Variants in AATF observed in about 807,000 individuals in gnomAD.
The protein encoded by AATF is apoptosis antagonizing transcription factor, also known as protein AATF.
A neutral mutation model predicts 63.7 loss-of-function variants in AATF; 48 were observed. The observed-to-expected ratio is 0.75, with a 90% CI of 0.60 to 0.96. The LOEUF (loss-of-function observed/expected upper bound fraction) is 0.96, where lower values mean the gene tolerates loss of function less well. AATF is among the 40% of genes least tolerant of loss of function. The pLI is 0.00. For missense variants in AATF, 639 were observed against 685.7 expected, an observed-to-expected ratio of 0.93 and a Z score of 0.76; for synonymous variants, 258 against 247.7, an observed-to-expected ratio of 1.04 and a Z score of -0.39.
At chr17:36,974,155 A>AT (rs2071062158) in intron 4 of AATF, among the ~76,000 whole-genome samples, 1 of 151,968 alleles carries the variant, frequency 6.6e-6, no homozygotes, top group Non-Finnish European at 1.5e-5. Context: ...AGAGTTAAGT[A>AT]TTTTTAATAT....
At chr17:36,979,596 A>T (rs988129524) in intron 4 of AATF, among the ~76,000 whole-genome samples, 1 of 152,138 alleles carries the variant, frequency 6.6e-6, no homozygotes, top group Non-Finnish European at 1.5e-5. Context: ...GGTAATATGA[A>T]TGGGGGAGTT....
chr17:37,056,577 C>T, intron 11 of AATF, 24 bp from the exon 12 acceptor site: 1 of 1,613,434 alleles, frequency 6.2e-7, no homozygotes, highest in Non-Finnish European at 8.5e-7. Flanking sequence ...GTGTGTTAAC[C>T]AGTTTGCTGT....
At position 36,986,741 on chromosome 17, in the gene AATF, C is replaced by G. The variant is rs762510959; in HGVS notation, c.947+10C>G. The G allele has an allele frequency of 3.3e-5, 53 of 1,599,558 alleles. No homozygotes were observed. The highest frequency in any genetic ancestry group is 4.4e-5 in the Non-Finnish European group (51 of 1,167,106). On this transcript the variant is annotated intron_variant, in intron 5 of 11. Coordinates refer to ENST00000619387, the MANE Select transcript of AATF (RefSeq NM_012138.4). ...AGCCCAATGCGGGAAGGTAAGAGAACAGAATCATGGAGTTGCTTATTTTCT... is the reference window on the plus strand; with the variant it reads ...AGCCCAATGCGGGAAGGTAAGAGAAGAGAATCATGGAGTTGCTTATTTTCT...
At chr17:37,050,830 A>G (rs1367228671) in intron 11 of AATF, among the ~76,000 whole-genome samples, 1 of 152,264 alleles carries the variant, frequency 6.6e-6, no homozygotes, top group Non-Finnish European at 1.5e-5. Flanking sequence ...AGGAAGGGCC[A>G]TGACATTCTG....
intron 4 of AATF, among the ~76,000 whole-genome samples, chr17:36,967,745 T>G (rs1034510229): frequency 2.0e-5 from 3 of 152,206 alleles, no homozygotes; most frequent in African/African-American, 7.2e-5. Flanking sequence ...AAAATACCTT[T>G]ATTCTATCAT....
chr17:36,969,269 A>G (rs1420035347), intron 4 of AATF, among the ~76,000 whole-genome samples: 3 of 152,178 alleles, frequency 2.0e-5, no homozygotes, highest in African/African-American at 7.2e-5. Flanking sequence ...GGTGGCCAAC[A>G]TTCTAGGAGG....
At chr17:36,991,909 G>A (rs2071218250) in intron 8 of AATF, among the ~76,000 whole-genome samples, 1 of 152,172 alleles carries the variant, frequency 6.6e-6, no homozygotes, top group Admixed American at 6.5e-5. Flanking sequence ...TCTTAATAGA[G>A]TGTGTGTTTG....
intron 10 of AATF, among the ~76,000 whole-genome samples, chr17:37,022,256 G>A (rs1432986428): frequency 1.3e-5 from 2 of 152,072 alleles, no homozygotes; most frequent in Admixed American, 6.6e-5. Context: ...TTTTAGGCAG[G>A]TAGTTAAACC....
At chr17:37,044,572 C>CTA (rs1567996000) in intron 11 of AATF, among the ~76,000 whole-genome samples, 1 of 152,128 alleles carries the variant, frequency 6.6e-6, no homozygotes, top group African/African-American at 2.4e-5. Context: ...GTTTCTCCTG[C>CTA]TATATACTAT....
Position 36,953,102 on chromosome 17 carries a change from T to C in AATF, c.500T>C (p.Leu167Pro). ...AAATTTACCAAGGGAATGGATGACC[T>C]TGGGAGCAGTGAGGAGGAGGAAGAC... ...FEKFTKGMDD[L>P]GSSEEEEDEE... Residue 167 changes from leucine to proline, a missense_variant, in exon 3 of 12, where the codon CTT (leucine) becomes CCT (proline). By Grantham distance (98) the Leu-to-Pro change is moderately conservative. Transcript: ENST00000619387. The C allele has an allele frequency of 6.2e-7, 1 of 1,613,976 alleles. No individual in the cohort carries two copies.
intron 4 of AATF, among the ~76,000 whole-genome samples, chr17:36,986,300 G>C (rs9901628): frequency 0.027 from 4,070 of 152,320 alleles, 189 homozygotes; most frequent in East Asian, 0.15. Context: ...TGGTTATAAT[G>C]AGAGGCCGGG....
At chr17:37,048,602 C>T (rs959625656) in intron 11 of AATF, among the ~76,000 whole-genome samples, 2 of 152,032 alleles carry the variant, frequency 1.3e-5, no homozygotes, top group African/African-American at 4.8e-5. Context: ...AACCCCTAAC[C>T]TCAGGTGATC....
chr17:36,949,081 GCA>G lies in AATF; in HGVS notation c.-42_-41del. On this transcript the variant is annotated 5_prime_UTR_variant, in exon 1 of 12. Transcript: ENST00000619387. ...GAGCTTCGGGGCCGGGGGTTGGGCCGCACATTTACGTGCGCGAAGCGGAGTGG... is the reference window on the plus strand; with the variant it reads ...GAGCTTCGGGGCCGGGGGTTGGGCCGCATTTACGTGCGCGAAGCGGAGTGG... The G allele has an allele frequency of 6.7e-7, 1 of 1,489,640 alleles. No individual in the cohort carries two copies. Among genetic ancestry groups the G allele is most frequent in the East Asian group, 2.5e-5 (1 of 40,764 alleles). 92.3% of individuals were successfully genotyped at this position (1,489,640 alleles called of 1,614,324 possible).
At chr17:36,955,837 G>C (rs980906662) in intron 4 of AATF, among the ~76,000 whole-genome samples, 3 of 152,098 alleles carry the variant, frequency 2.0e-5, no homozygotes, top group Non-Finnish European at 4.4e-5. Context: ...ATCATAGCTC[G>C]TTGCAGCTTC....
At chr17:37,051,697 G>GACACACAC (rs59773430) in intron 11 of AATF, among the ~76,000 whole-genome samples, 42 of 137,210 alleles carry the variant, frequency 3.1e-4, no homozygotes, top group African/African-American at 8.9e-4. Context: ...CAGACAGACA[G>GACACACAC]ACACACACAC....
chr17:36,972,326 TA>T (rs1418681539), intron 4 of AATF, among the ~76,000 whole-genome samples: 6 of 152,218 alleles, frequency 3.9e-5, no homozygotes, highest in African/African-American at 1.2e-4. Flanking sequence ...CTCTCTTTGA[TA>T]AGTGATATAA....
chr17:37,031,257 T>G, intron 10 of AATF: 1 of 246,764 alleles, frequency 4.1e-6, no homozygotes, highest in Non-Finnish European at 8.0e-6. Context: ...GTACAACTAT[T>G]TACGTAGCAT....
chr17:37,047,844 A>G (rs570264154), intron 11 of AATF, among the ~76,000 whole-genome samples: 1 of 152,290 alleles, frequency 6.6e-6, no homozygotes, highest in East Asian at 1.9e-4. Context: ...CTTGTGGCAG[A>G]TTCGGGCGGC....
intron 4 of AATF, among the ~76,000 whole-genome samples, chr17:36,981,511 A>G (rs1288135999): frequency 6.6e-6 from 1 of 151,392 alleles, no homozygotes; most frequent in East Asian, 1.9e-4. Context: ...TGGGATGATC[A>G]TGGGTCACTG....
Sources: gnomAD v4.1 joint callset for allele counts (sites outside exome capture counted in the v4.1 genomes callset) on GRCh38, gnomAD v4.1.1 for gene constraint, MANE v1.5 for transcripts, NCBI Gene and HGNC (gene_info 2026-07-23, HGNC 2026-07-21) for gene names.